CACNA1C: variants seen among roughly 807,000 people sequenced by gnomAD.
CACNA1C encodes voltage-dependent L-type calcium channel subunit alpha-1C.
A neutral mutation model predicts 229.0 loss-of-function variants in CACNA1C; 30 were observed. The ratio of observed to expected loss-of-function variants is 0.13; its 90% CI spans 0.10 to 0.18. CACNA1C has a LOEUF of 0.18. Among genes scored for constraint, CACNA1C ranks in the 10% least tolerant of loss-of-function variants. The probability of loss-of-function intolerance (pLI) is 1.00; values close to 1 mark genes in which losing one functional copy is unlikely to be tolerated. For synonymous variants in CACNA1C, 1,114 were observed against 1,132.5 expected, an observed-to-expected ratio of 0.98 and a Z score of 0.33; for missense variants, 1,658 against 2,845.0, an observed-to-expected ratio of 0.58 and a Z score of 9.49.
At chr12:2,137,170 G>A (rs1352902215) in intron 3 of CACNA1C, among the ~76,000 whole-genome samples, 2 of 151,336 alleles carry the variant, frequency 1.3e-5, no homozygotes, top group Admixed American at 6.6e-5. Flanking sequence ...GAAGAGCTAC[G>A]GCCTGAACAC....
chr12:2,210,015 T>A (rs952723295), intron 3 of CACNA1C, among the ~76,000 whole-genome samples: 1 of 152,118 alleles, frequency 6.6e-6, no homozygotes, highest in Non-Finnish European at 1.5e-5. Flanking sequence ...AGAGAGAGAT[T>A]GAAAGAGAGA....
intron 3 of CACNA1C, among the ~76,000 whole-genome samples, chr12:2,415,079 T>C (rs1433425709): frequency 6.6e-6 from 1 of 152,182 alleles, no homozygotes; most frequent in Admixed American, 6.5e-5. Context: ...CAGATACCTC[T>C]GTGGCATGCG....
chr12:2,052,911 G>A (rs1208347960), upstream of CACNA1C: 6 of 897,466 alleles, frequency 6.7e-6, no homozygotes, highest in South Asian at 2.0e-4. Flanking sequence ...GCGGGCGGGC[G>A]GCGCGGGCAG....
chr12:2,528,687 CAG>C (rs1297397855), intron 9 of CACNA1C, among the ~76,000 whole-genome samples: 1 of 152,224 alleles, frequency 6.6e-6, no homozygotes, highest in East Asian at 1.9e-4. Flanking sequence ...GAGCAGGTCT[CAG>C]ATCCACTTCC....
chr12:2,276,384 G>A (rs1378753045), intron 3 of CACNA1C, among the ~76,000 whole-genome samples: 1 of 152,138 alleles, frequency 6.6e-6, no homozygotes, highest in Non-Finnish European at 1.5e-5. Flanking sequence ...AGTAAGTCAG[G>A]GATTACCAAA....
intron 8 of CACNA1C, among the ~76,000 whole-genome samples, chr12:2,506,179 G>A (rs917540373): frequency 7.9e-5 from 12 of 152,172 alleles, no homozygotes; most frequent in Admixed American, 7.2e-4. Context: ...CAGGAGACTA[G>A]TGCCTTCCAT....
chr12:2,407,766 A>G (rs554017568), intron 3 of CACNA1C, among the ~76,000 whole-genome samples: 8 of 152,110 alleles, frequency 5.3e-5, no homozygotes, highest in South Asian at 2.1e-4. Flanking sequence ...ATAAGTGTGC[A>G]GTGGTATTGA....
intron 3 of CACNA1C, among the ~76,000 whole-genome samples, chr12:2,246,421 G>A (rs113256530): frequency 2.0e-5 from 3 of 152,264 alleles, no homozygotes; most frequent in African/African-American, 7.2e-5. Flanking sequence ...ACAGGATCCT[G>A]AATCTCAGGC....
At position 2,137,101 on chromosome 12, in the gene CACNA1C, G is replaced by A. The variant is rs887835808; in HGVS notation, c.477+16671G>A. 3.2e-4 allele frequency among the ~76,000 whole-genome samples: 49 copies of A among 151,408 alleles called. 5 individuals carry two copies. The highest frequency in any genetic ancestry group is 3.0e-3 in the Admixed American group (45 of 15,114). The stretch of plus-strand genomic sequence containing the variant: ...GTGAGAGCAGTCCCCCTCTCGTGCC[G>A]AGAGGCTCCACAGGTTTTGCCTGTG... On this transcript the variant is annotated intron_variant, in intron 3 of 46. Transcript: ENST00000399655.
At chr12:2,064,789 G>T (rs562226033) in intron 1 of CACNA1C, among the ~76,000 whole-genome samples, 1 of 152,238 alleles carries the variant, frequency 6.6e-6, no homozygotes, top group East Asian at 1.9e-4. Flanking sequence ...TATTTTCTTG[G>T]TGATCATTTT....
chr12:2,262,943 G>A (rs901847097), intron 3 of CACNA1C, among the ~76,000 whole-genome samples: 10 of 152,140 alleles, frequency 6.6e-5, no homozygotes, highest in Admixed American at 1.3e-4. Flanking sequence ...CAAGGAGGTT[G>A]CACTTTTGTG....
At chr12:2,520,889 G>A (rs1296354249) in intron 9 of CACNA1C, among the ~76,000 whole-genome samples, 1 of 152,228 alleles carries the variant, frequency 6.6e-6, no homozygotes, top group Non-Finnish European at 1.5e-5. Context: ...CAGAGGAGTG[G>A]GAAGGTGACA....
In CACNA1C at chr12:2,068,769, C is replaced by T. The variant is rs932192043; in HGVS notation, c.49+15158C>T. Among the ~76,000 whole-genome samples the T allele has an allele frequency of 2.6e-5, 4 of 152,344 alleles. No homozygotes were observed. The East Asian group carries it at 7.7e-4, about 29-fold the overall frequency. On this transcript the variant is annotated intron_variant, in intron 1 of 46. Transcript: ENST00000399655. ...CACCCCGTCTGGCCTCATCTGGAAA[C>T]CTACTTGCAGAGTTTGGCCTTATTC... is the stretch of plus-strand genomic sequence containing the variant.
chr12:2,239,173 C>G (rs931897159), intron 3 of CACNA1C, among the ~76,000 whole-genome samples: 4 of 152,156 alleles, frequency 2.6e-5, no homozygotes, highest in African/African-American at 9.7e-5. Flanking sequence ...TGAAGATAAT[C>G]AGGAGGTCAG....
At chr12:2,361,750 A>G (rs1424489245) in intron 3 of CACNA1C, among the ~76,000 whole-genome samples, 1 of 152,206 alleles carries the variant, frequency 6.6e-6, no homozygotes, top group Non-Finnish European at 1.5e-5. Flanking sequence ...AGCTGCACCA[A>G]ATTCTAATGA....
At chr12:2,475,247 C>T (rs2099619586) in intron 5 of CACNA1C, among the ~76,000 whole-genome samples, 1 of 151,130 alleles carries the variant, frequency 6.6e-6, no homozygotes. Context: ...TGCAGTGAGC[C>T]GAGATCACGC....
chr12:2,474,470 C>T (rs2099611031), intron 5 of CACNA1C, among the ~76,000 whole-genome samples: 1 of 152,134 alleles, frequency 6.6e-6, no homozygotes, highest in Admixed American at 6.6e-5. Context: ...GAAGTACAGG[C>T]CAGGCCAGGC....
rs1032246541 is a variant in CACNA1C, at chr12:2,348,366, C to T, written c.478-100610C>T. 9.2e-5 allele frequency among the ~76,000 whole-genome samples: 14 copies of T among 152,302 alleles called. No individual in the cohort carries two copies. The highest frequency in any genetic ancestry group is 4.1e-4 in the South Asian group (2 of 4,822). On this transcript the variant is annotated intron_variant, in intron 3 of 46. Coordinates refer to ENST00000399655, the MANE Select transcript of CACNA1C (RefSeq NM_000719.7). This position sits in a 1 kb window ranked among gnomAD's most constrained non-coding sequence, Gnocchi z 4.7. ...GTGCGGGGGACTTCCCAAGAGCTCC[C>T]GGCCCACGACTGAGTCACGCGGCTT...
At chr12:2,074,634 G>T (rs905024023) in intron 1 of CACNA1C, among the ~76,000 whole-genome samples, 7 of 152,162 alleles carry the variant, frequency 4.6e-5, no homozygotes, top group Non-Finnish European at 8.8e-5. Flanking sequence ...CCAGTGCCGT[G>T]ACTCAAAATA....
Sources: gnomAD v4.1 joint callset for allele counts (sites outside exome capture counted in the v4.1 genomes callset) on GRCh38, gnomAD v4.1.1 for gene constraint, Gnocchi (gnomAD v3.1) non-coding constraint, MANE v1.5 for transcripts, NCBI Gene and HGNC (gene_info 2026-07-23, HGNC 2026-07-21) for gene names.